The following ANAPC1 variants were observed in gnomAD, a reference collection of about 807,000 sequenced individuals.
ANAPC1 encodes the protein anaphase promoting complex subunit 1, also known as anaphase-promoting complex subunit 1.
In ANAPC1, 36 loss-of-function variants were observed where a neutral mutation model predicts 208.0. That is an observed-to-expected ratio of 0.17 (90% CI 0.13 to 0.23). The LOEUF is 0.23. ANAPC1 is among the 10% of genes least tolerant of loss of function. The pLI is 1.00. For synonymous variants in ANAPC1, 378 were observed against 695.2 expected (o/e 0.54, Z 7.18); for missense variants, 942 against 2,011.6 (o/e 0.47, Z 10.17).
At chr2:111,831,826 CAAAAAAAAA>C (rs34008628) in intron 20 of ANAPC1, among the ~76,000 whole-genome samples, 2 of 29,038 alleles carry the variant, frequency 6.9e-5, no homozygotes, top group Non-Finnish European at 1.1e-4. Context: ...GACTCTGTCT[CAAAAAAAAA>C]AAAAAAAAAA....
At chr2:111,827,474 A>G (rs1185923614) in intron 21 of ANAPC1, among the ~76,000 whole-genome samples, 2 of 152,240 alleles carry the variant, frequency 1.3e-5, no homozygotes, top group Non-Finnish European at 2.9e-5. Context: ...AAGAGCCACC[A>G]TAAGCTAGAA....
At position 111,838,484 on chromosome 2, in the gene ANAPC1, A is replaced by G; in HGVS notation, c.2069T>C (p.Val690Ala). 1 of 1,607,890 alleles carries G rather than the reference A, an allele frequency of 6.2e-7. No individual in the cohort carries two copies. The highest frequency in any genetic ancestry group is 2.2e-5 in the East Asian group (1 of 44,716). Reference protein sequence around the residue: ...NFDFEGSLSPVIAPKKARPSE... With the variant: ...NFDFEGSLSPAIAPKKARPSE... ...AGGCCTTGCTTTTTTGGGCGCAATGACAGGAGAAAGTGATCCTTCAAAGTC... is the reference window on the plus strand; with the variant it reads ...AGGCCTTGCTTTTTTGGGCGCAATGGCAGGAGAAAGTGATCCTTCAAAGTC... Residue 690 changes from valine (V) to alanine (A), a missense_variant, in exon 18 of 48, where the codon GTC becomes GCC. By Grantham distance (64) the Val-to-Ala change is moderately conservative (BLOSUM62 0). Transcript: ENST00000341068.
chr2:111,773,753 G>GGA (rs1676867011), intron 46 of ANAPC1, among the ~76,000 whole-genome samples: 1 of 152,096 alleles, frequency 6.6e-6, no homozygotes, highest in Admixed American at 6.5e-5. Context: ...ACAGTGAAAA[G>GGA]GAGCTCAGTG....
chr2:111,841,053 A>C (rs1316249630), intron 17 of ANAPC1, among the ~76,000 whole-genome samples: 1 of 152,230 alleles, frequency 6.6e-6, no homozygotes, highest in Non-Finnish European at 1.5e-5. Context: ...AAAAAAGGAA[A>C]GAAAAGAAAA....
intron 47 of ANAPC1, among the ~76,000 whole-genome samples, chr2:111,771,922 C>G (rs1676761265): frequency 6.7e-6 from 1 of 150,224 alleles, no homozygotes; most frequent in South Asian, 2.1e-4. Flanking sequence ...ATTTTTAAAA[C>G]TATTATAAAA....
At chr2:111,877,539 G>A (rs901165312) in intron 3 of ANAPC1, among the ~76,000 whole-genome samples, 10 of 152,216 alleles carry the variant, frequency 6.6e-5, no homozygotes, top group Non-Finnish European at 1.3e-4. Flanking sequence ...CACTTTGGGA[G>A]GCCGAGGTGG....
intron 21 of ANAPC1, among the ~76,000 whole-genome samples, chr2:111,827,456 A>G (rs749655676): frequency 1.4e-4 from 21 of 152,230 alleles, no homozygotes; most frequent in Non-Finnish European, 2.2e-4. Flanking sequence ...CAAGTGACTC[A>G]ATAGAAAAAG....
At position 111,863,789 on chromosome 2, in the gene ANAPC1, G is replaced by T. The variant is rs768278432; in HGVS notation, c.938C>A (p.Ser313Tyr). ...AHLRSLSKGDSPVTSPFQNYS... is the reference protein window; with the variant it reads ...AHLRSLSKGDYPVTSPFQNYS... ...ATTCTGGAAAGGTGAAGTCACAGGG[G>T]AATCTCCTTTGGAGAGGCTTCTGAG... The change falls in exon 9 of 48, where the codon TCC (serine) becomes TAC (tyrosine). Residue 313 changes from serine (S) to tyrosine (Y), a missense_variant. By Grantham distance (144) the Ser-to-Tyr change is moderately radical (BLOSUM62 -2). Coordinates refer to ENST00000341068, the MANE Select transcript of ANAPC1 (RefSeq NM_022662.4). The T allele has an allele frequency of 6.2e-7, 1 of 1,613,964 alleles. No homozygotes were observed. Among genetic ancestry groups the T allele is most frequent in the Non-Finnish European group, 8.5e-7 (1 of 1,179,878 alleles).
In ANAPC1 at chr2:111,838,579, A is replaced by G. The variant is rs973530857; in HGVS notation, c.2041-67T>C. On this transcript the variant is annotated intron_variant, in intron 17 of 47. Coordinates refer to ENST00000341068, the MANE Select transcript of ANAPC1 (RefSeq NM_022662.4). ...CATTCCTGTCAACTGATCAACTTCA[A>G]GGATTCAGAAATCAGTTCTGCCAAT... 13 of 1,344,860 alleles carry G rather than the reference A, an allele frequency of 9.7e-6. No individual in the cohort carries two copies. The African/African-American group carries it at 1.9e-4, about 20-fold the overall frequency. The allele number at this position is 1,344,860 out of a possible 1,614,324, so 83.3% of individuals were successfully genotyped here.
intron 8 of ANAPC1, among the ~76,000 whole-genome samples, chr2:111,864,428 A>T (rs1368273097): frequency 7.1e-6 from 1 of 140,916 alleles, no homozygotes; most frequent in Non-Finnish European, 1.5e-5. Context: ...AAGTGAGGGT[A>T]TGAAGTATTA....
intron 45 of ANAPC1, among the ~76,000 whole-genome samples, chr2:111,778,002 C>G (rs1677078211): frequency 6.6e-6 from 1 of 152,260 alleles, no homozygotes; most frequent in Admixed American, 6.5e-5. Flanking sequence ...TTTTAAGATA[C>G]CAAGGCAAAT....
chr2:111,832,079 G>A (rs575701309), intron 20 of ANAPC1, among the ~76,000 whole-genome samples: 3 of 147,684 alleles, frequency 2.0e-5, no homozygotes, highest in South Asian at 2.2e-4. Flanking sequence ...GATCACTTGA[G>A]GTCAGGAGTT....
At chr2:111,876,489 G>A (rs1452013406) in intron 3 of ANAPC1, among the ~76,000 whole-genome samples, 1 of 152,084 alleles carries the variant, frequency 6.6e-6, no homozygotes, top group Admixed American at 6.5e-5. Flanking sequence ...ATATCTAACT[G>A]CACTTCCATA....
At chr2:111,879,923 T>C (rs1310194528) in intron 2 of ANAPC1, among the ~76,000 whole-genome samples, 2 of 152,130 alleles carry the variant, frequency 1.3e-5, no homozygotes, top group African/African-American at 4.8e-5. Context: ...ATTTCTTCTC[T>C]CCTTTAGAAA....
intron 1 of ANAPC1, among the ~76,000 whole-genome samples, chr2:111,881,851 A>G (rs1361480449): frequency 6.6e-6 from 1 of 152,188 alleles, no homozygotes; most frequent in Non-Finnish European, 1.5e-5. Flanking sequence ...TTCATCCTTC[A>G]TTCTCTGACC....
intron 26 of ANAPC1, chr2:111,819,226 C>T (rs1454333477): frequency 4.1e-6 from 4 of 984,690 alleles, no homozygotes; most frequent in Middle Eastern, 5.2e-4. Context: ...TAAACCCAGC[C>T]GACTCTCTCT....
At chr2:111,766,671 C>G (rs1676480612), downstream of ANAPC1, 1 of 285,422 alleles carries the variant, frequency 3.5e-6, no homozygotes, top group African/African-American at 2.3e-5. Flanking sequence ...ACGAAGTCTT[C>G]CTGGTTTGGA....
At chr2:111,829,336 G>C (rs57503347) in intron 21 of ANAPC1, among the ~76,000 whole-genome samples, 99 of 152,260 alleles carry the variant, frequency 6.5e-4, no homozygotes, top group African/African-American at 2.0e-3. Context: ...GGAGCCATGG[G>C]GGGGACTGTG....
At chr2:111,825,261 A>G in intron 22 of ANAPC1, 94 bp from the exon 23 acceptor site, 1 of 1,508,606 alleles carries the variant, frequency 6.6e-7, no homozygotes. Flanking sequence ...AGAATCAATT[A>G]GCAAACAACA....
Sources: gnomAD v4.1 joint callset for allele counts (sites outside exome capture counted in the v4.1 genomes callset) on GRCh38, gnomAD v4.1.1 for gene constraint, MANE v1.5 for transcripts, NCBI Gene and HGNC (gene_info 2026-07-23, HGNC 2026-07-21) for gene names.